The following ZNF653 variants were observed in gnomAD, a reference collection of about 807,000 sequenced individuals.
ZNF653 encodes 67 kDa zinc finger protein.
ZNF653 carries 37 observed loss-of-function variants against 59.9 expected under a neutral mutation model. The observed-to-expected ratio is 0.62, with a 90% CI of 0.48 to 0.81. ZNF653 has a LOEUF of 0.81. Among genes scored for constraint, ZNF653 ranks in the 40% least tolerant of loss-of-function variants. The probability of loss-of-function intolerance (pLI) is 0.00; values close to 1 mark genes in which losing one functional copy is unlikely to be tolerated. For missense variants in ZNF653, 808 were observed against 881.1 expected, an observed-to-expected ratio of 0.92 and a Z score of 1.05; for synonymous variants, 435 against 371.8, an observed-to-expected ratio of 1.17 and a Z score of -1.96.
In ZNF653 at chr19:11,505,635, G is replaced by A; in HGVS notation, c.152C>T (p.Ser51Phe). 8 of 1,499,678 alleles carry A rather than the reference G, an allele frequency of 5.3e-6. No homozygotes were observed. Among genetic ancestry groups the A allele is most frequent in the Non-Finnish European group, 7.1e-6 (8 of 1,131,604 alleles). 92.9% of individuals were successfully genotyped at this position (1,499,678 alleles called of 1,614,324 possible). ...ESDRARRRLE[S>F]RKKYDVRRVY... ...GCGCCGCACGTCGTACTTCTTCCGG[G>A]ACTCGAGCCGTCGCCGGGCCCGGTC... is the stretch of plus-strand genomic sequence containing the variant. The change falls in exon 1 of 9, where the codon TCC (serine) becomes TTC (phenylalanine). Residue 51 changes from serine to phenylalanine, a missense_variant. Ser to Phe is a radical substitution (Grantham distance 155). Transcript: ENST00000293771.
intron 3 of ZNF653, among the ~76,000 whole-genome samples, chr19:11,490,580 A>G (rs1971519883): frequency 6.6e-6 from 1 of 151,044 alleles, no homozygotes; most frequent in South Asian, 2.1e-4. Flanking sequence ...TTTAGTAGAG[A>G]TGGGTTTTCA....
chr19:11,499,524 G>C (rs1971622304), intron 1 of ZNF653, among the ~76,000 whole-genome samples: 1 of 151,806 alleles, frequency 6.6e-6, no homozygotes, highest in African/African-American at 2.4e-5. Flanking sequence ...TAGCACTTTG[G>C]GAGGCTGAGG....
Position 11,483,515 on chromosome 19 carries a change from T to A in ZNF653, c.*167A>T. 1 of 1,399,286 alleles carries A rather than the reference T, an allele frequency of 7.1e-7. No homozygotes were observed. Among genetic ancestry groups the A allele is most frequent in the Non-Finnish European group, 9.3e-7 (1 of 1,076,836 alleles). The allele number at this position is 1,399,286 out of a possible 1,614,324, so 86.7% of individuals were successfully genotyped here. Reference sequence around the variant, plus strand: ...GGCACCAGCTCCGAGAAGGATGCGGTGGGGCGGGGTGGGGAACCTGCCCAG... The same window carrying A: ...GGCACCAGCTCCGAGAAGGATGCGGAGGGGCGGGGTGGGGAACCTGCCCAG... On this transcript the variant is annotated 3_prime_UTR_variant, in exon 9 of 9. Transcript: ENST00000293771.
At position 11,495,013 on chromosome 19, in the gene ZNF653, G is replaced by A. The variant is rs1042809126; in HGVS notation, c.559+937C>T. On this transcript the variant is annotated intron_variant, in intron 3 of 8. Coordinates refer to ENST00000293771, the MANE Select transcript of ZNF653 (RefSeq NM_138783.4). The surrounding 1 kb of genome is among the most constrained non-coding windows in gnomAD (Gnocchi z 4.9). ...CTGGCCGACACTTGGTGGGACGGTC[G>A]TTGGCGGGGGCGCCCACCCGGAACA... Among the ~76,000 whole-genome samples the A allele has an allele frequency of 6.6e-6, 1 of 152,286 alleles. No homozygotes were observed. The highest frequency in any genetic ancestry group is 2.1e-4 in the South Asian group (1 of 4,832).
intron 1 of ZNF653, among the ~76,000 whole-genome samples, chr19:11,499,336 G>A (rs1023557532): frequency 3.9e-5 from 6 of 152,232 alleles, no homozygotes; most frequent in Non-Finnish European, 8.8e-5. Context: ...CCTGTGAGTA[G>A]GACTGGATGT....
At chr19:11,505,238 G>C in intron 1 of ZNF653, 1 of 434,988 alleles carries the variant, frequency 2.3e-6, no homozygotes, top group East Asian at 3.9e-5. Flanking sequence ...TAGCGGGCGG[G>C]GCCAAGCGCT....
chr19:11,497,809 G>A (rs552782564), intron 2 of ZNF653, among the ~76,000 whole-genome samples: 1 of 152,152 alleles, frequency 6.6e-6, no homozygotes, highest in Admixed American at 6.6e-5. Context: ...CATCCCTTGA[G>A]GATTCAGGAT....
intron 3 of ZNF653, among the ~76,000 whole-genome samples, chr19:11,488,136 C>T (rs1198135946): frequency 6.6e-5 from 9 of 137,262 alleles, no homozygotes; most frequent in East Asian, 4.3e-4. Flanking sequence ...TACAGGTGTG[C>T]GCCACCACAC....
At position 11,487,809 on chromosome 19, in the gene ZNF653, A is replaced by T; in HGVS notation, c.654T>A (p.Ala218=). 1 of 1,611,200 alleles carries T rather than the reference A, an allele frequency of 6.2e-7. No individual in the cohort carries two copies. Among genetic ancestry groups the T allele is most frequent in the South Asian group, 1.1e-5 (1 of 90,982 alleles). The change falls in exon 4 of 9, where the codon GCT becomes GCA. Residue 218 remains alanine, a synonymous_variant. Transcript: ENST00000293771. The surrounding 1 kb of genome is among the most constrained non-coding windows in gnomAD (Gnocchi z 5.1). ...EESPEGQPVK[A]AAAAAAATPT... ...GCGTCGCTGCCGCTGCCGCTGCCGC[A>T]GCCTTGACCGGCTGGCCCTCAGGAG...
chr19:11,498,726 G>A (rs1971613891), intron 1 of ZNF653, among the ~76,000 whole-genome samples: 1 of 151,082 alleles, frequency 6.6e-6, no homozygotes, highest in Admixed American at 6.6e-5. Context: ...TTACAGGCAT[G>A]AGCCGCCACG....
At chr19:11,492,913 T>G (rs1971544138) in intron 3 of ZNF653, among the ~76,000 whole-genome samples, 1 of 152,038 alleles carries the variant, frequency 6.6e-6, no homozygotes, top group East Asian at 1.9e-4. Flanking sequence ...ACCTGGCTAA[T>G]TTTTTGTATT....
At chr19:11,504,554 T>G in intron 1 of ZNF653, 1 of 985,432 alleles carries the variant, frequency 1.0e-6, no homozygotes, top group Non-Finnish European at 1.2e-6. Flanking sequence ...TAAGCCAGCC[T>G]GCTGTCCTGG....
In ZNF653 at chr19:11,483,832, C is replaced by A. The variant is rs1156385828; in HGVS notation, c.1698G>T (p.Arg566=). Residue 566 remains arginine (R), a synonymous_variant, in exon 9 of 9, where the codon CGG becomes CGT. Transcript: ENST00000293771. ...TGTGCCAGTTGAGCGACGCGCGCTG[C>A]CGGCACTGGTAGCCACAGATCTCGC... The part of the protein sequence containing the change: ...LQCEICGYQC[R]QRASLNWHMK... 3 of 1,604,098 alleles carry A rather than the reference C, an allele frequency of 1.9e-6. No individual in the cohort carries two copies. The highest frequency in any genetic ancestry group is 2.5e-6 in the Non-Finnish European group (3 of 1,176,706).
intron 2 of ZNF653, among the ~76,000 whole-genome samples, chr19:11,496,476 C>G (rs754756116): frequency 6.6e-6 from 1 of 152,130 alleles, no homozygotes; most frequent in Non-Finnish European, 1.5e-5. Flanking sequence ...CAGCGCAGTC[C>G]TCAGGCCCAG....
chr19:11,496,248 A>C (rs915209907), intron 2 of ZNF653, 83 bp from the exon 3 acceptor site: 15 of 1,359,816 alleles, frequency 1.1e-5, no homozygotes, highest in Admixed American at 5.9e-5. Flanking sequence ...CCGGGGCTTT[A>C]TGGGTCCCAT....
At chr19:11,491,626 C>T (rs552586888) in intron 3 of ZNF653, among the ~76,000 whole-genome samples, 38 of 151,878 alleles carry the variant, frequency 2.5e-4, no homozygotes, top group Non-Finnish European at 3.2e-4. Flanking sequence ...CTCGCTCTGT[C>T]GCCCAGGCTG....
chr19:11,483,935 A>G (rs1971436594), intron 8 of ZNF653, 76 bp from the exon 9 acceptor site: 2 of 1,518,170 alleles, frequency 1.3e-6, no homozygotes, highest in Middle Eastern at 2.3e-4. Flanking sequence ...GGCCGAGCGC[A>G]GGTGGAACCG....
Position 11,487,503 on chromosome 19 carries a change from G to A in ZNF653, c.960C>T (p.Ile320=). The change falls in exon 4 of 9, where the codon ATC becomes ATT. Residue 320 remains isoleucine (I), a synonymous_variant. Transcript: ENST00000293771. The surrounding 1 kb of genome is among the most constrained non-coding windows in gnomAD (Gnocchi z 5.1). ...CGTCGTAACCAGGGCCCGCAATGAT[G>A]ATCACCTGTGAGCCGGGCACCATGC... is the stretch of plus-strand genomic sequence containing the variant. ...MPGMVPGSQV[I]IIAGPGYDAL... The A allele has an allele frequency of 6.2e-7, 1 of 1,613,866 alleles. No individual in the cohort carries two copies. Among genetic ancestry groups the A allele is most frequent in the Non-Finnish European group, 8.5e-7 (1 of 1,179,974 alleles).
At chr19:11,492,877 C>G (rs947661212) in intron 3 of ZNF653, among the ~76,000 whole-genome samples, 1 of 152,084 alleles carries the variant, frequency 6.6e-6, no homozygotes, top group Non-Finnish European at 1.5e-5. Flanking sequence ...TGCCAAGTAG[C>G]TGGAAGTACA....
Sources: allele counts gnomAD v4.1 joint callset (sites outside exome capture counted in the v4.1 genomes callset), GRCh38; gene constraint gnomAD v4.1.1; non-coding constraint Gnocchi (gnomAD v3.1); transcripts MANE v1.5; gene names NCBI Gene and HGNC (gene_info 2026-07-23, HGNC 2026-07-21).